The following CAMK2D variants were observed in gnomAD, a reference collection of about 807,000 sequenced individuals.
CAMK2D encodes calcium/calmodulin-dependent protein kinase type II subunit delta.
In CAMK2D, 37 loss-of-function variants were observed where a neutral mutation model predicts 84.0. The observed-to-expected ratio is 0.44, with a 90% confidence interval of 0.34 to 0.58. The LOEUF is 0.58. Ranked by LOEUF, CAMK2D falls within the 20% of genes least tolerant of loss-of-function variation. CAMK2D has a pLI of 0.02. For synonymous variants in CAMK2D, 202 were observed against 212.5 expected (o/e 0.95, Z 0.43); for missense variants, 448 against 652.5 (o/e 0.69, Z 3.41).
chr4:113,625,779 G>A (rs1408619276), intron 3 of CAMK2D, among the ~76,000 whole-genome samples: 2 of 152,066 alleles, frequency 1.3e-5, no homozygotes, highest in East Asian at 1.9e-4. Flanking sequence ...CTGAGGAGAG[G>A]GTGATATGCT....
At chr4:113,665,753 C>CAA (rs2099254944) in intron 2 of CAMK2D, among the ~76,000 whole-genome samples, 1 of 152,132 alleles carries the variant, frequency 6.6e-6, no homozygotes, top group Non-Finnish European at 1.5e-5. Flanking sequence ...TTATATGAAT[C>CAA]AAAATATAAC....
chr4:113,465,699 C>A, intron 16 of CAMK2D, 95 bp from the exon 17 acceptor site: 1 of 764,144 alleles, frequency 1.3e-6, no homozygotes, highest in East Asian at 2.7e-5. Context: ...GGGTCTCACT[C>A]TGTCACCCAT....
Position 113,505,042 on chromosome 4 carries a change from G to A in CAMK2D, c.985-7C>T. On this transcript the variant is annotated splice_region_variant and splice_polypyrimidine_tract_variant and intron_variant, in intron 13 of 20. Coordinates refer to ENST00000511664, the MANE Select transcript of CAMK2D (RefSeq NM_001321571.2). ...CGTTGGCTTTGTTGTTTATCTGTGG[G>A]TATGCAGAAAATAGAAACAGAGATG... 2 of 1,561,608 alleles carry A rather than the reference G, an allele frequency of 1.3e-6. No individual in the cohort carries two copies. Among genetic ancestry groups the A allele is most frequent in the Non-Finnish European group, 1.7e-6 (2 of 1,158,684 alleles).
intron 2 of CAMK2D, among the ~76,000 whole-genome samples, chr4:113,708,149 C>G (rs2099468930): frequency 2.6e-5 from 4 of 152,158 alleles, no homozygotes; most frequent in Admixed American, 2.6e-4. Flanking sequence ...CTGGTGTTCA[C>G]AGGTCTGAGC....
chr4:113,556,704 C>T (rs564488476), intron 4 of CAMK2D, among the ~76,000 whole-genome samples: 2 of 152,184 alleles, frequency 1.3e-5, no homozygotes, highest in East Asian at 3.9e-4. Context: ...CCCCAAAGAC[C>T]CCTGAAGGGA....
chr4:113,761,356 C>T lies in CAMK2D; in HGVS notation c.-288G>A. 7.3e-7 allele frequency: 1 copy of T among 1,371,240 alleles called. No homozygotes were observed. Among genetic ancestry groups the T allele is most frequent in the Non-Finnish European group, 9.4e-7 (1 of 1,059,332 alleles). The allele number at this position is 1,371,240 out of a possible 1,614,324, so 84.9% of individuals were successfully genotyped here. A position where few individuals can be genotyped will look rare whatever the true frequency, so the allele number is the denominator to read the frequency against. ...CGCTCCACCCGCCCCTTTTCCAGTCCCTGTCCCCAAATGCAGGGGGTAAAG... is the reference window on the plus strand; with the variant it reads ...CGCTCCACCCGCCCCTTTTCCAGTCTCTGTCCCCAAATGCAGGGGGTAAAG... On this transcript the variant is annotated 5_prime_UTR_variant, in exon 1 of 21. Coordinates refer to ENST00000511664, the MANE Select transcript of CAMK2D (RefSeq NM_001321571.2).
At chr4:113,615,800 T>G (rs2099018765) in intron 3 of CAMK2D, among the ~76,000 whole-genome samples, 1 of 152,148 alleles carries the variant, frequency 6.6e-6, no homozygotes, top group Non-Finnish European at 1.5e-5. Context: ...ACTTTGTCTT[T>G]TTTTACTTGT....
intron 18 of CAMK2D, among the ~76,000 whole-genome samples, chr4:113,458,923 T>C (rs955275363): frequency 3.9e-5 from 6 of 152,194 alleles, no homozygotes; most frequent in African/African-American, 1.2e-4. Flanking sequence ...ATGTCTAATG[T>C]CATTAGGTGT....
At chr4:113,682,050 T>A (rs2099347471) in intron 2 of CAMK2D, among the ~76,000 whole-genome samples, 1 of 152,158 alleles carries the variant, frequency 6.6e-6, no homozygotes, top group African/African-American at 2.4e-5. Context: ...TTCTACCCCT[T>A]CCTTTCTGGG....
At chr4:113,758,254 T>C (rs2099633159) in intron 2 of CAMK2D, among the ~76,000 whole-genome samples, 1 of 152,038 alleles carries the variant, frequency 6.6e-6, no homozygotes, top group African/African-American at 2.4e-5. Flanking sequence ...CAAAATCAGA[T>C]GAAGGAAATT....
In CAMK2D at chr4:113,553,275, G is replaced by C. The variant is rs116323893; in HGVS notation, c.276-1179C>G. 5.7e-3 allele frequency among the ~76,000 whole-genome samples: 863 copies of C among 152,204 alleles called. 11 individuals are homozygous for C. Among genetic ancestry groups the C allele is most frequent in the African/African-American group, 0.02 (836 of 41,536 alleles). On this transcript the variant is annotated intron_variant, in intron 4 of 20. Transcript: ENST00000511664. ...ACACAGGCAGGCCATCCACTCCACA[G>C]CTCATGCCCTCAACCACTCCACAGT...
At chr4:113,611,549 C>T (rs1374944988) in intron 3 of CAMK2D, among the ~76,000 whole-genome samples, 1 of 152,080 alleles carries the variant, frequency 6.6e-6, no homozygotes, top group East Asian at 1.9e-4. Flanking sequence ...CTCAGGTGTC[C>T]AGATCGAAGA....
chr4:113,456,169 T>A (rs74582087), intron 19 of CAMK2D, among the ~76,000 whole-genome samples: 19 of 152,184 alleles, frequency 1.2e-4, no homozygotes, highest in Admixed American at 1.2e-3. Flanking sequence ...ATTAAGGCTA[T>A]ACAGAAGGCC....
chr4:113,632,377 C>T (rs2099093346), intron 3 of CAMK2D, among the ~76,000 whole-genome samples: 1 of 152,056 alleles, frequency 6.6e-6, no homozygotes, highest in South Asian at 2.1e-4. Context: ...GCATGCACCA[C>T]CACTCCCAGC....
At chr4:113,752,009 C>T (rs1349265437) in intron 2 of CAMK2D, among the ~76,000 whole-genome samples, 1 of 151,742 alleles carries the variant, frequency 6.6e-6, no homozygotes, top group Non-Finnish European at 1.5e-5. Context: ...CCATGAATGA[C>T]TGGCCCACTG....
intron 4 of CAMK2D, among the ~76,000 whole-genome samples, chr4:113,602,435 TG>T (rs1448036391): frequency 6.6e-6 from 1 of 152,240 alleles, no homozygotes; most frequent in Non-Finnish European, 1.5e-5. Flanking sequence ...GCTTTCCCTC[TG>T]TCTGCCTAAA....
At chr4:113,700,396 A>G (rs1290673498) in intron 2 of CAMK2D, among the ~76,000 whole-genome samples, 1 of 152,190 alleles carries the variant, frequency 6.6e-6, no homozygotes, top group Non-Finnish European at 1.5e-5. Flanking sequence ...CAAGGCAGTA[A>G]CAGTGGTAAG....
intron 2 of CAMK2D, among the ~76,000 whole-genome samples, chr4:113,690,733 T>C (rs1363499344): frequency 6.6e-6 from 1 of 152,208 alleles, no homozygotes; most frequent in Non-Finnish European, 1.5e-5. Flanking sequence ...CTGGGCAAGT[T>C]TTAATTTGAA....
intron 3 of CAMK2D, among the ~76,000 whole-genome samples, chr4:113,649,646 T>C (rs1312240483): frequency 6.6e-6 from 1 of 152,242 alleles, no homozygotes; most frequent in East Asian, 1.9e-4. Flanking sequence ...TATATTTCAG[T>C]TGCATACATA....
Sources: gnomAD v4.1 joint callset for allele counts (sites outside exome capture counted in the v4.1 genomes callset) on GRCh38, gnomAD v4.1.1 for gene constraint, MANE v1.5 for transcripts, NCBI Gene and HGNC (gene_info 2026-07-23, HGNC 2026-07-21) for gene names.